PRELID2: variants seen among roughly 807,000 people sequenced by gnomAD.
The protein encoded by PRELID2 is PRELI domain-containing protein 2.
PRELID2 carries 25 observed loss-of-function variants against 28.4 expected under a neutral mutation model. The observed-to-expected ratio is 0.88, with a 90% CI of 0.64 to 1.23. The LOEUF (loss-of-function observed/expected upper bound fraction) is 1.23. PRELID2 is among the 50% of genes most tolerant of loss of function. PRELID2 has a pLI of 0.00. For synonymous variants in PRELID2, 76 were observed against 71.6 expected (o/e 1.06, Z -0.31); for missense variants, 201 against 214.4 (o/e 0.94, Z 0.39).
At chr5:145,582,980 G>A (rs1439993077) in intron 1 of PRELID2, among the ~76,000 whole-genome samples, 2 of 152,004 alleles carry the variant, frequency 1.3e-5, no homozygotes, top group Non-Finnish European at 2.9e-5. Flanking sequence ...TAGCAGAGAT[G>A]CAATTTATAA....
At chr5:145,813,444 T>C (rs1002431246) in intron 4 of PRELID2, among the ~76,000 whole-genome samples, 1 of 152,202 alleles carries the variant, frequency 6.6e-6, no homozygotes, top group African/African-American at 2.4e-5. Flanking sequence ...AGAAACCTTT[T>C]TGTGGCTGCT....
At chr5:145,779,307 A>T (rs1437482684) in intron 5 of PRELID2, among the ~76,000 whole-genome samples, 1 of 152,220 alleles carries the variant, frequency 6.6e-6, no homozygotes, top group Admixed American at 6.5e-5. Context: ...ACATACAGTT[A>T]AGAGTGCTTC....
the PRELID2 span, among the ~76,000 whole-genome samples, chr5:145,299,042 T>C: frequency 5.9e-5 from 9 of 152,078 alleles, no homozygotes; most frequent in Admixed American, 2.0e-4. Context: ...TTTTTTATTA[T>C]AGAAAATTTT....
intron 1 of PRELID2, among the ~76,000 whole-genome samples, chr5:145,512,171 G>A (rs951506728): frequency 2.6e-5 from 4 of 152,102 alleles, no homozygotes; most frequent in African/African-American, 9.6e-5. Context: ...CAAGATGGCC[G>A]AATAGGAACA....
the PRELID2 span, among the ~76,000 whole-genome samples, chr5:145,306,154 G>T: frequency 6.6e-6 from 1 of 152,104 alleles, no homozygotes; most frequent in Admixed American, 6.5e-5. Context: ...ACTAGTTAAT[G>T]CAGTATTTAC....
chr5:145,556,913 C>CT (rs981586277), intron 1 of PRELID2, among the ~76,000 whole-genome samples: 3 of 152,082 alleles, frequency 2.0e-5, no homozygotes, highest in Non-Finnish European at 4.4e-5. Flanking sequence ...AGCATTTTTT[C>CT]TTTTTTCAGG....
intron 1 of PRELID2, among the ~76,000 whole-genome samples, chr5:145,523,417 G>C (rs1313350814): frequency 6.6e-6 from 1 of 152,130 alleles, no homozygotes; most frequent in Non-Finnish European, 1.5e-5. Flanking sequence ...ATTTTAAAAA[G>C]GAAGGGGAGA....
At chr5:145,364,551 A>C in the PRELID2 span, among the ~76,000 whole-genome samples, 5 of 152,112 alleles carry the variant, frequency 3.3e-5, no homozygotes, top group Non-Finnish European at 7.4e-5. Context: ...AGTGTCAAAT[A>C]CACAGTAGTA....
the PRELID2 span, among the ~76,000 whole-genome samples, chr5:145,289,773 TTTATC>T: frequency 6.6e-6 from 1 of 152,164 alleles, no homozygotes; most frequent in Non-Finnish European, 1.5e-5. Flanking sequence ...TACTGTCTGT[TTTATC>T]TTGTTAATTT....
At chr5:145,674,816 G>A (rs1754781688) in intron 1 of PRELID2, among the ~76,000 whole-genome samples, 2 of 152,112 alleles carry the variant, frequency 1.3e-5, no homozygotes, top group South Asian at 2.1e-4. Flanking sequence ...GTGTGGTGGT[G>A]CACACCTGTA....
the PRELID2 span, among the ~76,000 whole-genome samples, chr5:145,401,795 T>C: frequency 5.9e-5 from 9 of 152,216 alleles, no homozygotes; most frequent in Non-Finnish European, 1.3e-4. Context: ...ACATTTAGTC[T>C]ATGCATGGCA....
intron 1 of PRELID2, 27 bp downstream of exon 1, chr5:145,835,150 A>T (rs1268261005): frequency 6.6e-7 from 1 of 1,512,500 alleles, no homozygotes; most frequent in African/African-American, 1.4e-5. Flanking sequence ...GCAGCGCGGG[A>T]TACGGAAGGT....
the PRELID2 span, among the ~76,000 whole-genome samples, chr5:145,322,680 G>A: frequency 6.6e-6 from 1 of 152,152 alleles, no homozygotes; most frequent in African/African-American, 2.4e-5. Context: ...GAATATAATA[G>A]AGATAAACAT....
intron 1 of PRELID2, among the ~76,000 whole-genome samples, chr5:145,741,414 T>TATAA (rs202142157): frequency 0.8 from 68,561 of 85,580 alleles, 28,308 homozygotes; most frequent in East Asian, 0.87. Context: ...AAAATTTATT[T>TATAA]ATAATTTATT....
the PRELID2 span, among the ~76,000 whole-genome samples, chr5:145,402,183 G>A: frequency 8.7e-6 from 1 of 115,556 alleles, no homozygotes; most frequent in Non-Finnish European, 1.8e-5. Flanking sequence ...AATTGGACAT[G>A]GACTCAGAGA....
chr5:145,457,444 A>G, the PRELID2 span, among the ~76,000 whole-genome samples: 1 of 152,178 alleles, frequency 6.6e-6, no homozygotes, highest in East Asian at 1.9e-4. Context: ...TAGTCATTGC[A>G]TTATAATTCA....
intron 1 of PRELID2, among the ~76,000 whole-genome samples, chr5:145,828,229 T>C (rs1012803277): frequency 6.6e-6 from 1 of 152,182 alleles, no homozygotes; most frequent in African/African-American, 2.4e-5. Flanking sequence ...AGAGTTGTTA[T>C]AAGAATTAAA....
At chr5:145,471,099 T>C (rs34236490), downstream of PRELID2, among the ~76,000 whole-genome samples, 32,113 of 152,084 alleles carry the variant, frequency 0.21, 3,967 homozygotes, top group South Asian at 0.35. Flanking sequence ...TAGTAATAAG[T>C]GGATAAAACA....
chr5:145,564,703 C>T (rs936506284), intron 1 of PRELID2, among the ~76,000 whole-genome samples: 9 of 152,200 alleles, frequency 5.9e-5, no homozygotes, highest in South Asian at 2.1e-4. Flanking sequence ...CACTGTGAAA[C>T]CCCAGTGCCC....
Sources: gnomAD v4.1 joint callset for allele counts (sites outside exome capture counted in the v4.1 genomes callset) on GRCh38, gnomAD v4.1.1 for gene constraint, MANE v1.5 for transcripts, NCBI Gene and HGNC (gene_info 2026-07-23, HGNC 2026-07-21) for gene names.